GPCPD1: variants seen among roughly 807,000 people sequenced by gnomAD.
GPCPD1 encodes glycerophosphocholine phosphodiesterase 1.
A neutral mutation model predicts 89.2 loss-of-function variants in GPCPD1; 29 were observed. The ratio of observed to expected loss-of-function variants is 0.33; its 90% confidence interval spans 0.24 to 0.44. The LOEUF (loss-of-function observed/expected upper bound fraction) is 0.44. GPCPD1 is among the 20% of genes least tolerant of loss of function. The probability of loss-of-function intolerance (pLI) is 1.00; values close to 1 mark genes in which losing one functional copy is unlikely to be tolerated. For missense variants in GPCPD1, 594 were observed against 808.9 expected (o/e 0.73, Z 3.22); for synonymous variants, 258 against 266.3 (o/e 0.97, Z 0.30).
chr20:5,567,507 T>G lies in GPCPD1; in HGVS notation c.1203A>C (p.Thr401=). 6.4e-7 allele frequency: 1 copy of G among 1,564,218 alleles called. No individual in the cohort carries two copies. The highest frequency in any genetic ancestry group is 8.6e-7 in the Non-Finnish European group (1 of 1,164,076). The change falls in exon 13 of 20, where the codon ACA becomes ACC. Residue 401 remains threonine (T), a synonymous_variant. Coordinates refer to ENST00000379019, the MANE Select transcript of GPCPD1 (RefSeq NM_019593.5). ...CCTTTAACAACTGGAGTTGGTCAAA[T>G]GTTAATTCTTTTACTGGAATTTCAA... The part of the protein sequence containing the change: ...ELFEIPVKEL[T]FDQLQLLKLT...
intron 19 of GPCPD1, among the ~76,000 whole-genome samples, chr20:5,552,256 C>T (rs2122536065): frequency 6.6e-6 from 1 of 152,286 alleles, no homozygotes; most frequent in Middle Eastern, 3.4e-3. Context: ...AGTGCCTGGC[C>T]ACCTCCCTGA....
intron 1 of GPCPD1, among the ~76,000 whole-genome samples, chr20:5,607,406 C>G (rs1980662332): frequency 6.6e-6 from 1 of 151,874 alleles, no homozygotes; most frequent in Non-Finnish European, 1.5e-5. Context: ...GCCTGGCCAA[C>G]ATCTCTACTA....
rs529995585 is a variant in GPCPD1, at chr20:5,577,895, AT to A, written c.705+484del. ...TAGCTCCAGAAAGTTAGCAGCACAG[AT>A]TGTCAATAACCTGGCACAAGCTTTA... is the stretch of plus-strand genomic sequence containing the variant. On this transcript the variant is annotated intron_variant, in intron 8 of 19. Coordinates refer to ENST00000379019, the MANE Select transcript of GPCPD1 (RefSeq NM_019593.5). 8.1e-4 allele frequency among the ~76,000 whole-genome samples: 124 copies of A among 152,364 alleles called. 2 individuals are homozygous for A. In the South Asian group the frequency reaches 0.025, roughly 30 times the overall value.
At chr20:5,567,112 T>C (rs1451767158) in intron 13 of GPCPD1, among the ~76,000 whole-genome samples, 1 of 152,196 alleles carries the variant, frequency 6.6e-6, no homozygotes, top group Non-Finnish European at 1.5e-5. Flanking sequence ...GAAATTAACA[T>C]ATATTTACCA....
intron 5 of GPCPD1, 74 bp from the exon 6 acceptor site, chr20:5,584,396 CA>C: frequency 4.3e-6 from 3 of 704,358 alleles, no homozygotes; most frequent in Non-Finnish European, 7.8e-6. Context: ...AGAAATTACC[CA>C]CCTTAAAGAT....
Position 5,562,986 on chromosome 20 carries a change from C to CT in GPCPD1, c.1330-1457dup, listed in dbSNP as rs199811350. On this transcript the variant is annotated intron_variant, in intron 15 of 19. Coordinates refer to ENST00000379019, the MANE Select transcript of GPCPD1 (RefSeq NM_019593.5). ...TGGTATTATTTTGGCGTTAAAATTT[C>CT]TTTTTTTTTTTTTTGAGACGGAGTC... 3.3e-3 allele frequency among the ~76,000 whole-genome samples: 477 copies of CT among 142,580 alleles called. 2 individuals carry two copies. Among genetic ancestry groups the CT allele is most frequent in the Middle Eastern group, 0.011 (3 of 276 alleles). The allele number at this position is 142,580 out of a possible 152,430, so 93.5% of individuals were successfully genotyped here.
At chr20:5,590,847 G>C (rs568456077) in intron 4 of GPCPD1, among the ~76,000 whole-genome samples, 2 of 152,286 alleles carry the variant, frequency 1.3e-5, no homozygotes, top group East Asian at 3.9e-4. Context: ...CTAATTATGA[G>C]TGAATGTTAG....
chr20:5,549,546 TTG>T, intron 19 of GPCPD1: 1 of 938,226 alleles, frequency 1.1e-6, no homozygotes, highest in South Asian at 1.3e-5. Flanking sequence ...AATCGAGATT[TTG>T]GAGCTGAATC....
rs760812328 is a variant in GPCPD1, at chr20:5,593,311, G to A, written c.231+16C>T. 22 of 1,321,092 alleles carry A rather than the reference G, an allele frequency of 1.7e-5. No homozygotes were observed. The highest frequency in any genetic ancestry group is 6.9e-5 in the Admixed American group (4 of 58,340). The allele number at this position is 1,321,092 out of a possible 1,614,324, so 81.8% of individuals were successfully genotyped here. A position where few individuals can be genotyped will look rare whatever the true frequency, so the allele number is the denominator to read the frequency against. ...GAAGTGCTAAAGGAATTGGAAACTA[G>A]ATAAAGAAAACATACCTTTGGTTCT... On this transcript the variant is annotated intron_variant, in intron 4 of 19. Transcript: ENST00000379019.
chr20:5,551,586 A>G (rs1985412876), intron 19 of GPCPD1, among the ~76,000 whole-genome samples: 1 of 152,222 alleles, frequency 6.6e-6, no homozygotes, highest in African/African-American at 2.4e-5. Flanking sequence ...TTTTAAGAAC[A>G]TAATTACAAG....
rs1272514761 is a variant in GPCPD1, at chr20:5,590,349, T to C, written c.231+2978A>G. Among the ~76,000 whole-genome samples, 3 of 151,904 alleles carry C rather than the reference T, an allele frequency of 2.0e-5. No individual in the cohort carries two copies. The East Asian group carries it at 5.8e-4, about 29-fold the overall frequency. On this transcript the variant is annotated intron_variant, in intron 4 of 19. Coordinates refer to ENST00000379019, the MANE Select transcript of GPCPD1 (RefSeq NM_019593.5). ...TGAGGTCAGGAGTTTGAGACCAGCCTGGCTAACACGGCAAAACCCTGTCTC... is the reference window on the plus strand; with the variant it reads ...TGAGGTCAGGAGTTTGAGACCAGCCCGGCTAACACGGCAAAACCCTGTCTC...
chr20:5,580,677 G>C (rs917184761), intron 6 of GPCPD1, among the ~76,000 whole-genome samples: 14 of 145,800 alleles, frequency 9.6e-5, no homozygotes, highest in Non-Finnish European at 3.0e-5. Context: ...AGTGAGCCGA[G>C]ATCGCACCAC....
At chr20:5,575,387 TA>T in intron 10 of GPCPD1, 25 bp downstream of exon 10, 2 of 1,564,334 alleles carry the variant, frequency 1.3e-6, no homozygotes, top group Non-Finnish European at 1.8e-6. Flanking sequence ...CACCAAATGC[TA>T]ATCCTACTCA....
At chr20:5,604,698 AG>A (rs1285250775) in intron 1 of GPCPD1, among the ~76,000 whole-genome samples, 2 of 149,410 alleles carry the variant, frequency 1.3e-5, no homozygotes, top group Non-Finnish European at 3.0e-5. Context: ...CAAACACTTA[AG>A]GAGGCTGAGG....
chr20:5,582,997 G>C (rs1437724463), intron 6 of GPCPD1, among the ~76,000 whole-genome samples: 1 of 152,086 alleles, frequency 6.6e-6, no homozygotes, highest in African/African-American at 2.4e-5. Context: ...CACTTTGAGA[G>C]GCTGAGGCAG....
intron 1 of GPCPD1, among the ~76,000 whole-genome samples, chr20:5,608,649 G>T (rs939619130): frequency 1.3e-5 from 2 of 152,030 alleles, no homozygotes; most frequent in African/African-American, 4.8e-5. Context: ...ACTTGGAAAG[G>T]GAAGGTCAGT....
Position 5,547,557 on chromosome 20 carries a change from G to A in GPCPD1, c.*104C>T. ...TTAAATACTTCATTATTGCTTCATT[G>A]AACTGAGAAGCCCAAAAGGCATAGA... is the stretch of plus-strand genomic sequence containing the variant. On this transcript the variant is annotated 3_prime_UTR_variant, in exon 20 of 20. Coordinates refer to ENST00000379019, the MANE Select transcript of GPCPD1 (RefSeq NM_019593.5). 1.7e-6 allele frequency: 1 copy of A among 588,262 alleles called. No individual in the cohort carries two copies. 36.4% of individuals were successfully genotyped at this position (588,262 alleles called of 1,614,324 possible).
At chr20:5,569,404 G>A (rs548486621) in intron 12 of GPCPD1, among the ~76,000 whole-genome samples, 159 of 152,114 alleles carry the variant, frequency 1.0e-3, no homozygotes, top group African/African-American at 3.6e-3. Context: ...ATAGTATACT[G>A]ACGTTTAGGG....
intron 15 of GPCPD1, among the ~76,000 whole-genome samples, chr20:5,562,256 G>C (rs902953434): frequency 6.6e-6 from 1 of 152,046 alleles, no homozygotes; most frequent in Non-Finnish European, 1.5e-5. Context: ...TATGCTCAGG[G>C]CAAAATGAAT....
Sources: allele counts gnomAD v4.1 joint callset (sites outside exome capture counted in the v4.1 genomes callset), GRCh38; gene constraint gnomAD v4.1.1; transcripts MANE v1.5; gene names NCBI Gene and HGNC (gene_info 2026-07-23, HGNC 2026-07-21).